JAG1: variants seen among roughly 807,000 people sequenced by gnomAD.
The protein encoded by JAG1 is protein jagged-1.
In JAG1, 23 loss-of-function variants were observed where a neutral mutation model predicts 148.7. The ratio of observed to expected loss-of-function variants is 0.15; its 90% CI spans 0.11 to 0.22. The LOEUF is 0.22. Among genes scored for constraint, JAG1 ranks in the 10% least tolerant of loss-of-function variants. The pLI is 1.00. For missense variants in JAG1, 1,054 were observed against 1,611.2 expected, an observed-to-expected ratio of 0.65 and a Z score of 5.92; for synonymous variants, 572 against 598.3, an observed-to-expected ratio of 0.96 and a Z score of 0.64.
At chr20:10,644,626 C>A in intron 18 of JAG1, 1 of 640,870 alleles carries the variant, frequency 1.6e-6, no homozygotes, top group Non-Finnish European at 2.8e-6. Context: ...TGGAAGGAGA[C>A]AGGCTGCTGG....
In JAG1 at chr20:10,639,335, C is replaced by T; in HGVS notation, c.*163G>A. 2 of 750,562 alleles carry T rather than the reference C, an allele frequency of 2.7e-6. No individual in the cohort carries two copies. The highest frequency in any genetic ancestry group is 4.8e-6 in the Non-Finnish European group (2 of 418,100). 46.5% of individuals were successfully genotyped at this position (750,562 alleles called of 1,614,324 possible). On this transcript the variant is annotated 3_prime_UTR_variant, in exon 26 of 26. Transcript: ENST00000254958. ...TGAGATGCGGCACTCGATTTCCCAG[C>T]CAACCACAGAAACTACCATTGCCAG...
At chr20:10,652,086 C>T (rs771177734) in intron 7 of JAG1, 45 bp downstream of exon 7, 1 of 1,609,928 alleles carries the variant, frequency 6.2e-7, no homozygotes, top group Non-Finnish European at 8.5e-7. Flanking sequence ...AAGCTGAGTA[C>T]AGAAAAATTA....
At chr20:10,655,869 A>C (rs2067375405) in intron 5 of JAG1, among the ~76,000 whole-genome samples, 1 of 152,152 alleles carries the variant, frequency 6.6e-6, no homozygotes, top group African/African-American at 2.4e-5. Flanking sequence ...ACTGCAGCAA[A>C]AGTCTACATT....
Position 10,672,664 on chromosome 20 carries a change from A to G in JAG1, c.387+37T>C, listed in dbSNP as rs777669281. 19 of 1,603,416 alleles carry G rather than the reference A, an allele frequency of 1.2e-5. No homozygotes were observed. The South Asian group carries it at 2.1e-4, about 18-fold the overall frequency. ...CAGGGCTCGGCCAGGCGCGGGTGTG[A>G]GGCTCCGCCCGGCCTCCTTCCCGAG... is the stretch of plus-strand genomic sequence containing the variant. On this transcript the variant is annotated intron_variant, in intron 2 of 25. Transcript: ENST00000254958.
chr20:10,660,630 G>C (rs1242799983), intron 3 of JAG1, among the ~76,000 whole-genome samples: 1 of 152,162 alleles, frequency 6.6e-6, no homozygotes, highest in African/African-American at 2.4e-5. Context: ...GGGAAGTGTC[G>C]TGCAGAGGAT....
At chr20:10,652,435 T>C (rs1440849980) in intron 6 of JAG1, 33 bp downstream of exon 6, 2 of 1,611,888 alleles carry the variant, frequency 1.2e-6, no homozygotes, top group African/African-American at 2.7e-5. Context: ...CACCCCCAGA[T>C]CCCACCCTGG....
At chr20:10,666,660 A>T (rs2067456059) in intron 2 of JAG1, among the ~76,000 whole-genome samples, 1 of 152,246 alleles carries the variant, frequency 6.6e-6, no homozygotes, top group Admixed American at 6.5e-5. Flanking sequence ...CCACACAGGA[A>T]GGAGGGGTAG....
Position 10,649,526 on chromosome 20 carries a change from G to T in JAG1, c.1344C>A (p.Asp448Glu). 6.3e-7 allele frequency: 1 copy of T among 1,591,258 alleles called. No individual in the cohort carries two copies. The highest frequency in any genetic ancestry group is 8.6e-7 in the Non-Finnish European group (1 of 1,159,110). The change falls in exon 10 of 26, where the codon GAC (aspartate) becomes GAA (glutamate). Residue 448 changes from aspartate (D) to glutamate (E), a missense_variant. Transcript: ENST00000254958. ...CLPGWMGQNC[D>E]ININDCLGQC... ...AATGGAAACAAAGTCACTCACTTAT[G>T]TCACAATTCTGACCCATCCAGCCGG...
chr20:10,664,153 GT>G (rs2067436007), intron 2 of JAG1, 139 bp from the exon 3 acceptor site: 1 of 734,668 alleles, frequency 1.4e-6, no homozygotes, highest in Non-Finnish European at 2.5e-6. Flanking sequence ...GTTGCATTGA[GT>G]TCCTGGATGT....
chr20:10,652,842 C>T, intron 5 of JAG1: 3 of 430,424 alleles, frequency 7.0e-6, no homozygotes, highest in South Asian at 4.2e-5. Flanking sequence ...ATGGGGATGC[C>T]CTTCACAAAG....
chr20:10,669,547 CAAAAAAAAAAAAAA>C (rs56122797), intron 2 of JAG1, among the ~76,000 whole-genome samples: 172 of 44,152 alleles, frequency 3.9e-3, no homozygotes, highest in Non-Finnish European at 5.1e-3. Flanking sequence ...TTGGATTTTC[CAAAAAAAAAAAAAA>C]AAAAAAAAAA....
chr20:10,645,156 T>G lies in JAG1; in HGVS notation c.2214A>C (p.Thr738=), dbSNP rs1801140. 164,137 of 1,613,222 alleles carry G rather than the reference T, an allele frequency of 0.1. 9,394 individuals carry two copies. Among genetic ancestry groups the G allele is most frequent in the South Asian group, 0.2 (18,634 of 91,050 alleles). Residue 738 remains threonine (T), a synonymous_variant, in exon 17 of 26, where the codon ACA becomes ACC. Transcript: ENST00000254958. The surrounding 1 kb of genome is among the most constrained non-coding windows in gnomAD (Gnocchi z 6.1). Reference sequence around the variant, plus strand: ...GCATAAAGTTACCTATGTTACAGGTTGTTCCTTCCCAGCCGCCAGGACACA... The same window carrying G: ...GCATAAAGTTACCTATGTTACAGGTGGTTCCTTCCCAGCCGCCAGGACACA... ...KCMCPGGWEG[T]TCNIARNSSC... is the part of the protein sequence containing the mutation.
chr20:10,669,136 C>T (rs546252842), intron 2 of JAG1, among the ~76,000 whole-genome samples: 10 of 152,312 alleles, frequency 6.6e-5, no homozygotes, highest in African/African-American at 2.4e-4. Context: ...GCTTCACTTT[C>T]CCCCAAGCCC....
Position 10,672,771 on chromosome 20 carries a change from G to A in JAG1, c.317C>T (p.Thr106Ile), listed in dbSNP as rs780358916. Reference sequence around the variant, plus strand: ...GCCGCGGCTGGCCTTGAGGTTGAAGGTGTTGCCCCCGATGACAGGCGTGGA... The same window carrying A: ...GCCGCGGCTGGCCTTGAGGTTGAAGATGTTGCCCCCGATGACAGGCGTGGA... The part of the protein sequence containing the change: ...SGSTPVIGGN[T>I]FNLKASRGND... Residue 106 changes from threonine (T) to isoleucine (I), a missense_variant, in exon 2 of 26, where the codon ACC becomes ATC. By Grantham distance (89) the Thr-to-Ile change is moderately conservative. Coordinates refer to ENST00000254958, the MANE Select transcript of JAG1 (RefSeq NM_000214.3). 1 of 1,613,118 alleles carries A rather than the reference G, an allele frequency of 6.2e-7. No individual in the cohort carries two copies. Among genetic ancestry groups the A allele is most frequent in the Non-Finnish European group, 8.5e-7 (1 of 1,180,042 alleles).
At chr20:10,642,641 G>T in intron 20 of JAG1, 40 bp from the exon 21 acceptor site, 1 of 1,161,906 alleles carries the variant, frequency 8.6e-7, no homozygotes, top group Non-Finnish European at 1.3e-6. Context: ...CTGATGGTGT[G>T]TGGCAATGTT....
At position 10,658,656 on chromosome 20, in the gene JAG1, G is replaced by A. The variant is rs745324562; in HGVS notation, c.506C>T (p.Thr169Met). 40 of 1,614,056 alleles carry A rather than the reference G, an allele frequency of 2.5e-5. No individual in the cohort carries two copies. The highest frequency in any genetic ancestry group is 1.3e-4 in the East Asian group (6 of 44,904). Residue 169 changes from threonine (T) to methionine (M), a missense_variant, in exon 4 of 26, where the codon ACG (threonine) becomes ATG (methionine). Coordinates refer to ENST00000254958, the MANE Select transcript of JAG1 (RefSeq NM_000214.3). ...GMINPSRQWQ[T>M]LKQNTGVAHF... ...GGCAACGCCCGTGTTCTGCTTCAGC[G>A]TCTGCCACTGCCGGCTGGGGTTGAT...
intron 3 of JAG1, among the ~76,000 whole-genome samples, chr20:10,660,554 G>GCAAT (rs2067409340): frequency 6.6e-6 from 1 of 152,188 alleles, no homozygotes; most frequent in South Asian, 2.1e-4. Context: ...AGAGTCCAGG[G>GCAAT]CAATCCTAGG....
At position 10,672,842 on chromosome 20, in the gene JAG1, A is replaced by G. The variant is rs2067506756; in HGVS notation, c.246T>C (p.Tyr82=). ...DTYFKVCLKE[Y]QSRVTAGGPC... ...GCCCCCCGGCCGTGACGCGGGACTGATACTCCTTGAGGCACACTTTGAAGT... is the reference window on the plus strand; with the variant it reads ...GCCCCCCGGCCGTGACGCGGGACTGGTACTCCTTGAGGCACACTTTGAAGT... Residue 82 remains tyrosine, a synonymous_variant, in exon 2 of 26, where the codon TAT becomes TAC. Coordinates refer to ENST00000254958, the MANE Select transcript of JAG1 (RefSeq NM_000214.3). 6.2e-7 allele frequency: 1 copy of G among 1,613,094 alleles called. No individual in the cohort carries two copies.
chr20:10,656,740 A>G (rs1206700561), intron 4 of JAG1, among the ~76,000 whole-genome samples: 1 of 152,194 alleles, frequency 6.6e-6, no homozygotes, highest in Admixed American at 6.5e-5. Context: ...TCTCTAAACC[A>G]CAGCTACCCT....
Sources: allele counts gnomAD v4.1 joint callset (sites outside exome capture counted in the v4.1 genomes callset), GRCh38; gene constraint gnomAD v4.1.1; non-coding constraint Gnocchi (gnomAD v3.1); transcripts MANE v1.5; gene names NCBI Gene and HGNC (gene_info 2026-07-23, HGNC 2026-07-21).